TRIM22: variants seen among roughly 807,000 people sequenced by gnomAD.
TRIM22 encodes E3 ubiquitin-protein ligase TRIM22.
In TRIM22, 45 loss-of-function variants were observed where a neutral mutation model predicts 53.6. That is an observed-to-expected ratio of 0.84 (90% CI 0.66 to 1.08). The LOEUF (loss-of-function observed/expected upper bound fraction) is 1.08. Ranked by LOEUF, TRIM22 falls within the 50% of genes least tolerant of loss-of-function variation. The probability of loss-of-function intolerance (pLI) is 0.00; values close to 1 mark genes in which losing one functional copy is unlikely to be tolerated. For missense variants in TRIM22, 616 were observed against 590.9 expected, an observed-to-expected ratio of 1.04 and a Z score of -0.44; for synonymous variants, 225 against 216.6, an observed-to-expected ratio of 1.04 and a Z score of -0.34.
intron 1 of TRIM22, among the ~76,000 whole-genome samples, chr11:5,693,133 C>T (rs1020431015): frequency 6.6e-6 from 1 of 151,110 alleles, no homozygotes; most frequent in Non-Finnish European, 1.5e-5. Flanking sequence ...GTAATCTGCC[C>T]GCCTCGGCCC....
chr11:5,695,625 G>T (rs1166095389), intron 1 of TRIM22, among the ~76,000 whole-genome samples: 1 of 150,966 alleles, frequency 6.6e-6, no homozygotes, highest in Non-Finnish European at 1.5e-5. Context: ...TAGTTATATA[G>T]TTCCACAGAT....
intron 1 of TRIM22, among the ~76,000 whole-genome samples, chr11:5,693,366 C>G (rs913779135): frequency 1.3e-5 from 2 of 152,024 alleles, no homozygotes; most frequent in African/African-American, 4.8e-5. Context: ...ATGTGTCTGT[C>G]TGTCTACCTG....
At chr11:5,696,746 T>C in intron 2 of TRIM22, 91 bp downstream of exon 2, 2 of 1,368,712 alleles carry the variant, frequency 1.5e-6, no homozygotes, top group Non-Finnish European at 9.9e-7. Context: ...TTTATTCCCC[T>C]TGTCACCATA....
At chr11:5,697,512 G>A (rs7935903) in intron 3 of TRIM22, 169 bp downstream of exon 3, 282,301 of 533,736 alleles carry the variant, frequency 0.53, 77,682 homozygotes, top group Non-Finnish European at 0.59. Context: ...AGGGGCTGGA[G>A]AGTAGACATA....
At chr11:5,691,440 A>C (rs367668165) in intron 1 of TRIM22, among the ~76,000 whole-genome samples, 2 of 152,222 alleles carry the variant, frequency 1.3e-5, no homozygotes, top group African/African-American at 2.4e-5. Context: ...ATAACAAACC[A>C]ATTAGGTCAG....
intron 4 of TRIM22, among the ~76,000 whole-genome samples, chr11:5,702,798 G>A (rs1193029889): frequency 6.6e-6 from 1 of 152,076 alleles, no homozygotes; most frequent in African/African-American, 2.4e-5. Context: ...CTGAATTTCA[G>A]ACATATACTC....
intron 4 of TRIM22, among the ~76,000 whole-genome samples, chr11:5,703,252 G>A (rs1260290739): frequency 5.9e-5 from 9 of 152,098 alleles, no homozygotes; most frequent in Admixed American, 2.0e-4. Flanking sequence ...TTATGTCCAC[G>A]TATGCTCAAT....
chr11:5,691,048 C>T (rs1482581196), intron 1 of TRIM22: 1 of 152,344 alleles, frequency 6.6e-6, no homozygotes, highest in Non-Finnish European at 1.5e-5. Context: ...TGCTGCTCAT[C>T]TCTGCAGCTC....
chr11:5,701,665 A>G (rs1853374709), intron 4 of TRIM22, among the ~76,000 whole-genome samples: 1 of 152,208 alleles, frequency 6.6e-6, no homozygotes, highest in African/African-American at 2.4e-5. Context: ...ATAACTTAAA[A>G]CCTCATACAA....
chr11:5,693,227 TAA>T (rs1564938999), intron 1 of TRIM22, among the ~76,000 whole-genome samples: 1 of 133,640 alleles, frequency 7.5e-6, no homozygotes, highest in East Asian at 2.2e-4. Flanking sequence ...ATTGCACAGA[TAA>T]AGAAAGCTTC....
intron 3 of TRIM22, chr11:5,697,644 CACCCTGGAGAAAG>C (rs1359750450): frequency 1.3e-5 from 4 of 307,942 alleles, no homozygotes; most frequent in Non-Finnish European, 2.4e-5. Context: ...TTCCAGTAAA[CACCCTGGAGAAAG>C]ACCCAGGATT....
intron 1 of TRIM22, among the ~76,000 whole-genome samples, chr11:5,692,164 T>A (rs1226159176): frequency 6.6e-6 from 1 of 152,130 alleles, no homozygotes; most frequent in South Asian, 2.1e-4. Flanking sequence ...AGCAAAAAGG[T>A]AGCAGTTACT....
At chr11:5,689,928 A>C (rs1315497065) in intron 1 of TRIM22, 29 bp downstream of exon 1, 3 of 152,226 alleles carry the variant, frequency 2.0e-5, no homozygotes, top group African/African-American at 7.2e-5. Context: ...GGGAGCATAG[A>C]ATGGGAGGCT....
intron 4 of TRIM22, among the ~76,000 whole-genome samples, chr11:5,704,793 G>C (rs987380700): frequency 6.6e-6 from 1 of 151,990 alleles, no homozygotes; most frequent in Non-Finnish European, 1.5e-5. Flanking sequence ...AGTTATAGTG[G>C]TTATATGGTA....
intron 1 of TRIM22, among the ~76,000 whole-genome samples, chr11:5,690,319 T>C (rs1172665585): frequency 6.6e-6 from 1 of 152,158 alleles, no homozygotes; most frequent in South Asian, 2.1e-4. Flanking sequence ...AGGAAGAAAG[T>C]TTTTATTCCT....
In TRIM22 at chr11:5,697,065, T is replaced by C. The variant is rs976439055; in HGVS notation, c.424-183T>C. The C allele has an allele frequency of 2.0e-5, 11 of 558,510 alleles. No individual in the cohort carries two copies. In the African/African-American group the frequency reaches 2.1e-4, roughly 11 times the overall value. The allele number at this position is 558,510 out of a possible 1,614,324, so 34.6% of individuals were successfully genotyped here. ...GATAAGAGGATGGTGACTTCCATCA[T>C]CCAGGAATAAAGAATACATTCATCT... On this transcript the variant is annotated intron_variant, in intron 2 of 7. Transcript: ENST00000379965.
intron 4 of TRIM22, among the ~76,000 whole-genome samples, chr11:5,705,579 T>C (rs945298320): frequency 1.3e-5 from 2 of 151,250 alleles, no homozygotes; most frequent in African/African-American, 4.9e-5. Context: ...GGTCAAGTCT[T>C]TGTTGGTATA....
intron 4 of TRIM22, among the ~76,000 whole-genome samples, chr11:5,703,479 G>A (rs1479925827): frequency 2.6e-5 from 4 of 151,530 alleles, no homozygotes; most frequent in Non-Finnish European, 5.9e-5. Context: ...TCTGCTTCCC[G>A]GGTTCAGGCC....
Position 5,693,487 on chromosome 11 carries a change from G to A in TRIM22, c.-66-2680G>A, listed in dbSNP as rs377031462. On this transcript the variant is annotated intron_variant, in intron 1 of 7. Transcript: ENST00000379965. ...AGTAATCCCAGCACTTTGGGAGGCC[G>A]AGGCGGGCAGATCATGAGGTCCGGA... is the stretch of plus-strand genomic sequence containing the variant. Among the ~76,000 whole-genome samples, 939 of 151,806 alleles carry A rather than the reference G, an allele frequency of 6.2e-3. 11 individuals are homozygous for A. Among genetic ancestry groups the A allele is most frequent in the African/African-American group, 0.022 (910 of 41,458 alleles).
Sources: allele counts gnomAD v4.1 joint callset (sites outside exome capture counted in the v4.1 genomes callset), GRCh38; gene constraint gnomAD v4.1.1; transcripts MANE v1.5; gene names NCBI Gene and HGNC (gene_info 2026-07-23, HGNC 2026-07-21).